The following RBMS3 variants were observed in gnomAD, a reference collection of about 807,000 sequenced individuals.
The protein encoded by RBMS3 is RNA binding motif single stranded interacting protein 3.
Under a neutral mutation model 66.8 loss-of-function variants are expected in RBMS3, and 27 were observed. That is an observed-to-expected ratio of 0.40 (90% CI 0.30 to 0.56). The LOEUF is 0.56. RBMS3 is among the 20% of genes least tolerant of loss of function. The pLI is 0.40. For synonymous variants in RBMS3, 188 were observed against 183.0 expected (o/e 1.03, Z -0.22); for missense variants, 513 against 549.5 (o/e 0.93, Z 0.66).
intron 1 of RBMS3, among the ~76,000 whole-genome samples, chr3:29,329,553 C>T (rs2125510003): frequency 6.6e-6 from 1 of 152,090 alleles, no homozygotes; most frequent in East Asian, 1.9e-4. Context: ...ATATAGAAAA[C>T]TGAATAAGCT....
intron 4 of RBMS3, chr3:29,698,064 C>G (rs2052362434): frequency 3.4e-6 from 1 of 291,216 alleles, no homozygotes; most frequent in Admixed American, 6.5e-5. Context: ...GGGGGAAAAG[C>G]AACACAAAAA....
At chr3:29,817,315 T>A (rs1234255433) in intron 6 of RBMS3, among the ~76,000 whole-genome samples, 1 of 151,676 alleles carries the variant, frequency 6.6e-6, no homozygotes, top group Non-Finnish European at 1.5e-5. Context: ...GCGATTCTCC[T>A]GTCTCAGTGT....
intron 3 of RBMS3, among the ~76,000 whole-genome samples, chr3:29,513,185 G>A (rs2044481914): frequency 6.6e-6 from 1 of 152,134 alleles, no homozygotes; most frequent in African/African-American, 2.4e-5. Context: ...TTAGAAAGGT[G>A]TTAGTCTTCC....
In RBMS3 at chr3:29,688,167, C is replaced by A. The variant is rs915240574; in HGVS notation, c.400-51553C>A. 9.2e-5 allele frequency among the ~76,000 whole-genome samples: 14 copies of A among 152,078 alleles called. No individual in the cohort carries two copies. In the South Asian group the frequency reaches 1.2e-3, roughly 13 times the overall value. ...ATTCAGCCCTGATTTGCCTTTTCTT[C>A]TCTTCTCTTACCTCCTGTTATTCTT... On this transcript the variant is annotated intron_variant, in intron 4 of 14. Coordinates refer to ENST00000383767, the MANE Select transcript of RBMS3 (RefSeq NM_001003793.3).
At chr3:29,671,533 G>GA (rs1346195362) in intron 4 of RBMS3, among the ~76,000 whole-genome samples, 1 of 152,084 alleles carries the variant, frequency 6.6e-6, no homozygotes, top group Non-Finnish European at 1.5e-5. Flanking sequence ...TAAAAACCTT[G>GA]AAAAAAGATT....
intron 12 of RBMS3, among the ~76,000 whole-genome samples, chr3:29,952,702 A>G (rs1208896130): frequency 4.6e-5 from 7 of 151,888 alleles, no homozygotes; most frequent in Middle Eastern, 3.4e-3. Flanking sequence ...TTGCCACCCA[A>G]GATATTGTTT....
intron 11 of RBMS3, among the ~76,000 whole-genome samples, chr3:29,942,919 T>C (rs2061427373): frequency 6.6e-6 from 1 of 151,672 alleles, no homozygotes; most frequent in African/African-American, 2.4e-5. Flanking sequence ...AAAATGATTC[T>C]AATTATTCTA....
chr3:29,708,929 G>A (rs1209052763), intron 4 of RBMS3, among the ~76,000 whole-genome samples: 2 of 152,126 alleles, frequency 1.3e-5, no homozygotes, highest in Non-Finnish European at 2.9e-5. Context: ...TTGACCCAAG[G>A]TCACGCCTTC....
At chr3:29,901,076 T>C (rs1027950193) in intron 10 of RBMS3, among the ~76,000 whole-genome samples, 34 of 151,810 alleles carry the variant, frequency 2.2e-4, no homozygotes, top group African/African-American at 7.2e-4. Context: ...TACCATATTT[T>C]GCAAATCCCT....
chr3:29,687,365 A>G (rs926318881), intron 4 of RBMS3, among the ~76,000 whole-genome samples: 1 of 152,248 alleles, frequency 6.6e-6, no homozygotes, highest in Non-Finnish European at 1.5e-5. Flanking sequence ...TAGAATCCTC[A>G]AAGAATCCAG....
At chr3:29,341,786 T>C (rs1053955471) in intron 1 of RBMS3, among the ~76,000 whole-genome samples, 1 of 152,182 alleles carries the variant, frequency 6.6e-6, no homozygotes, top group Non-Finnish European at 1.5e-5. Flanking sequence ...ATGAAATTAT[T>C]ATTTTTCACC....
At chr3:29,449,460 G>C (rs982654501) in intron 2 of RBMS3, among the ~76,000 whole-genome samples, 1 of 152,170 alleles carries the variant, frequency 6.6e-6, no homozygotes, top group Non-Finnish European at 1.5e-5. Context: ...CATTGATGCA[G>C]TTTAAATCTT....
At chr3:29,488,794 G>A (rs184059122) in intron 3 of RBMS3, among the ~76,000 whole-genome samples, 1 of 152,328 alleles carries the variant, frequency 6.6e-6, no homozygotes, top group African/African-American at 2.4e-5. Flanking sequence ...GATATCATCA[G>A]TGATGCAAAT....
At chr3:29,784,431 T>C (rs2056748172) in intron 6 of RBMS3, among the ~76,000 whole-genome samples, 1 of 152,154 alleles carries the variant, frequency 6.6e-6, no homozygotes, top group African/African-American at 2.4e-5. Flanking sequence ...TGCTCCTGAA[T>C]GATCACGGGG....
chr3:29,467,406 G>C (rs1005851098), intron 2 of RBMS3, among the ~76,000 whole-genome samples: 1 of 152,156 alleles, frequency 6.6e-6, no homozygotes, highest in Admixed American at 6.6e-5. Context: ...AATTTCATGA[G>C]TTTGCGTTTA....
At chr3:29,439,593 T>TTTTATTTATTTATTTA (rs3041548) in intron 2 of RBMS3, among the ~76,000 whole-genome samples, 5,442 of 149,178 alleles carry the variant, frequency 0.036, 362 homozygotes, top group African/African-American at 0.12. Context: ...GTTAATCTCT[T>TTTTATTTATTTATTTA]TTTATTTATT....
intron 13 of RBMS3, among the ~76,000 whole-genome samples, chr3:29,988,853 AAGATGATCACT>A (rs1698620674): frequency 6.6e-6 from 1 of 152,224 alleles, no homozygotes; most frequent in African/African-American, 2.4e-5. Flanking sequence ...TTTGCATTTT[AAGATGATCACT>A]CAGTGATCCA....
chr3:29,899,341 A>C (rs1279360732), intron 9 of RBMS3, among the ~76,000 whole-genome samples: 1 of 151,674 alleles, frequency 6.6e-6, no homozygotes, highest in African/African-American at 2.4e-5. Flanking sequence ...CTTAGCAGTC[A>C]ACTCTTGCTT....
intron 1 of RBMS3, among the ~76,000 whole-genome samples, chr3:29,318,899 T>G (rs138563254): frequency 1.7e-4 from 26 of 151,968 alleles, no homozygotes; most frequent in African/African-American, 6.0e-4. Context: ...AAAATCAGAT[T>G]CAGGGAAAAT....
Sources: allele counts gnomAD v4.1 joint callset (sites outside exome capture counted in the v4.1 genomes callset), GRCh38; gene constraint gnomAD v4.1.1; transcripts MANE v1.5; gene names NCBI Gene and HGNC (gene_info 2026-07-23, HGNC 2026-07-21).